Variants in GSK3B observed in about 807,000 individuals in gnomAD.
GSK3B encodes the protein glycogen synthase kinase-3 beta.
GSK3B carries 15 observed loss-of-function variants against 56.4 expected under a neutral mutation model. That is an observed-to-expected ratio of 0.27 (90% CI 0.18 to 0.41). GSK3B has a LOEUF of 0.41. Among genes scored for constraint, GSK3B ranks in the 10% least tolerant of loss-of-function variants. The probability of loss-of-function intolerance (pLI) is 1.00; values close to 1 mark genes in which losing one functional copy is unlikely to be tolerated. For missense variants in GSK3B, 300 were observed against 513.4 expected (o/e 0.58, Z 4.02); for synonymous variants, 181 against 188.9 (o/e 0.96, Z 0.34).
chr3:119,870,949 T>C (rs1326848918), intron 8 of GSK3B, among the ~76,000 whole-genome samples: 3 of 152,144 alleles, frequency 2.0e-5, no homozygotes, highest in Non-Finnish European at 4.4e-5. Flanking sequence ...GTAGATAGAA[T>C]GGATGTGAAA....
At chr3:119,882,576 G>C (rs2056391925) in intron 7 of GSK3B, among the ~76,000 whole-genome samples, 1 of 152,000 alleles carries the variant, frequency 6.6e-6, no homozygotes, top group Non-Finnish European at 1.5e-5. Context: ...GTACACATCA[G>C]CATGCATATA....
chr3:119,930,741 T>C (rs951288489), intron 3 of GSK3B, among the ~76,000 whole-genome samples: 3 of 152,196 alleles, frequency 2.0e-5, no homozygotes, highest in Non-Finnish European at 4.4e-5. Flanking sequence ...GAAAAAACAC[T>C]GAGATGCAAC....
At chr3:119,880,137 G>C (rs930718183) in intron 7 of GSK3B, among the ~76,000 whole-genome samples, 1 of 152,054 alleles carries the variant, frequency 6.6e-6, no homozygotes, top group Non-Finnish European at 1.5e-5. Context: ...ATTTGATACT[G>C]CCTGTCATTT....
At chr3:120,069,811 T>C (rs1410533942) in intron 1 of GSK3B, among the ~76,000 whole-genome samples, 1 of 152,182 alleles carries the variant, frequency 6.6e-6, no homozygotes, top group Non-Finnish European at 1.5e-5. Context: ...ACTTAAAAAC[T>C]TCCAGATCCC....
At chr3:120,088,604 G>A (rs970100306) in intron 1 of GSK3B, among the ~76,000 whole-genome samples, 5 of 152,028 alleles carry the variant, frequency 3.3e-5, no homozygotes, top group Admixed American at 6.6e-5. Flanking sequence ...TCTTGAAATC[G>A]GGGAAAACTC....
chr3:119,823,518 GGAGA>G lies in GSK3B; in HGVS notation c.*3266_*3269del, dbSNP rs141933496. 5.3e-5 allele frequency: 10 copies of G among 189,464 alleles called. No individual in the cohort carries two copies. The highest frequency in any genetic ancestry group is 5.0e-4 in the East Asian group (6 of 11,942). 11.7% of individuals were successfully genotyped at this position (189,464 alleles called of 1,614,324 possible). ...ATTTGGGAGGGAAGTAGATAAAAGA[GGAGA>G]GAGAGAGAGCATGGAAGGCTCCCAG... On this transcript the variant is annotated 3_prime_UTR_variant, in exon 11 of 11. Transcript: ENST00000264235.
intron 5 of GSK3B, among the ~76,000 whole-genome samples, chr3:119,914,478 C>G (rs1253292994): frequency 6.6e-6 from 1 of 152,102 alleles, no homozygotes; most frequent in African/African-American, 2.4e-5. Context: ...GTGTCTCAGT[C>G]TGTCCCTACC....
At chr3:119,927,335 G>A (rs2056898172) in intron 3 of GSK3B, among the ~76,000 whole-genome samples, 1 of 152,280 alleles carries the variant, frequency 6.6e-6, no homozygotes, top group Non-Finnish European at 1.5e-5. Flanking sequence ...ACTTGGGAAA[G>A]TGAGAATGAA....
intron 4 of GSK3B, among the ~76,000 whole-genome samples, chr3:119,921,705 C>A (rs1337000051): frequency 2.0e-5 from 3 of 152,062 alleles, no homozygotes; most frequent in African/African-American, 7.2e-5. Context: ...AGTATATAAA[C>A]CTTAACTGAA....
chr3:120,006,047 A>T (rs1416220267), intron 1 of GSK3B, among the ~76,000 whole-genome samples: 1 of 152,204 alleles, frequency 6.6e-6, no homozygotes, highest in African/African-American at 2.4e-5. Flanking sequence ...ACGTGCAAAG[A>T]CACACATAGG....
chr3:120,061,921 G>A (rs1051499060), intron 1 of GSK3B, among the ~76,000 whole-genome samples: 4 of 151,898 alleles, frequency 2.6e-5, no homozygotes, highest in South Asian at 4.2e-4. Flanking sequence ...TAGTAGAGAC[G>A]GGGTTTCTCC....
intron 1 of GSK3B, among the ~76,000 whole-genome samples, chr3:120,073,533 T>G (rs2058344841): frequency 6.6e-6 from 1 of 152,240 alleles, no homozygotes; most frequent in African/African-American, 2.4e-5. Flanking sequence ...TCTTAAAATT[T>G]TTATTTTAAA....
At chr3:119,981,721 TCAA>T (rs1419227363) in intron 2 of GSK3B, among the ~76,000 whole-genome samples, 24 of 152,296 alleles carry the variant, frequency 1.6e-4, no homozygotes, top group African/African-American at 5.1e-4. Flanking sequence ...CCACCACAGC[TCAA>T]CAACACCTAC....
intron 9 of GSK3B, among the ~76,000 whole-genome samples, chr3:119,856,156 G>C (rs2056020268): frequency 6.6e-6 from 1 of 152,068 alleles, no homozygotes; most frequent in South Asian, 2.1e-4. Flanking sequence ...ATATGTCCTT[G>C]AATATCCTTT....
At chr3:120,064,443 C>A (rs936393059) in intron 1 of GSK3B, among the ~76,000 whole-genome samples, 7 of 151,712 alleles carry the variant, frequency 4.6e-5, no homozygotes, top group African/African-American at 1.7e-4. Flanking sequence ...ATAAAAAAAA[C>A]TAGGAATAAA....
intron 7 of GSK3B, among the ~76,000 whole-genome samples, chr3:119,881,874 A>G (rs2056382678): frequency 6.6e-6 from 1 of 152,146 alleles, no homozygotes; most frequent in Admixed American, 6.6e-5. Context: ...GTCTCACAAG[A>G]TCTGATGGTT....
At chr3:120,081,788 T>A (rs1274892358) in intron 1 of GSK3B, among the ~76,000 whole-genome samples, 1 of 152,194 alleles carries the variant, frequency 6.6e-6, no homozygotes, top group East Asian at 1.9e-4. Flanking sequence ...TTGGAACTTA[T>A]GATCTCCTAC....
rs527772328 is a variant in GSK3B at position 119,998,722 on chromosome 3, A to T, written c.282+3324T>A. ...AATCCCACCACTTTAGGAAGCCAAG[A>T]GGGAGAACCAGTTTAGGCCAGGAGC... On this transcript the variant is annotated intron_variant, in intron 2 of 10. Coordinates refer to ENST00000264235, the MANE Select transcript of GSK3B (RefSeq NM_001146156.2). Among the ~76,000 whole-genome samples the T allele has an allele frequency of 4.2e-4, 64 of 152,330 alleles. No homozygotes were observed. In the Middle Eastern group the frequency reaches 0.01, roughly 24 times the overall value.
intron 2 of GSK3B, among the ~76,000 whole-genome samples, chr3:119,975,455 A>C (rs1307367817): frequency 6.6e-6 from 1 of 152,222 alleles, no homozygotes; most frequent in Non-Finnish European, 1.5e-5. Context: ...TCAAAAAAAA[A>C]GATATGAGCT....
Sources: gnomAD v4.1 joint callset for allele counts (sites outside exome capture counted in the v4.1 genomes callset) on GRCh38, gnomAD v4.1.1 for gene constraint, MANE v1.5 for transcripts, NCBI Gene and HGNC (gene_info 2026-07-23, HGNC 2026-07-21) for gene names.